PROM2: variants seen among roughly 807,000 people sequenced by gnomAD.
PROM2 encodes the protein prominin 2.
PROM2 carries 90 observed loss-of-function variants against 110.2 expected under a neutral mutation model. That is an observed-to-expected ratio of 0.82 (90% CI 0.69 to 0.97). The LOEUF is 0.97. PROM2 is among the 50% of genes least tolerant of loss of function. The pLI, the probability that PROM2 is intolerant of heterozygous loss-of-function variation, is 0.00. For synonymous variants in PROM2, 470 were observed against 467.8 expected, an observed-to-expected ratio of 1.00 and a Z score of -0.06; for missense variants, 1,009 against 1,074.8, an observed-to-expected ratio of 0.94 and a Z score of 0.86.
In PROM2 at chr2:95,288,488, C is replaced by T. The variant is rs1251626553; in HGVS notation, c.2340C>T (p.Ala780=). Residue 780 remains alanine, a synonymous_variant, in exon 22 of 24, where the codon GCC becomes GCT. Transcript: ENST00000317620. ...GACCTCACGCCTTGTTGCAGAATGCCTTCTGGTTCTGCCTGGCATGGTGCA... is the reference window on the plus strand; with the variant it reads ...GACCTCACGCCTTGTTGCAGAATGCTTTCTGGTTCTGCCTGGCATGGTGCA... ...LCDMMADPWN[A]FWFCLAWCTF... 5 of 1,613,858 alleles carry T rather than the reference C, an allele frequency of 3.1e-6. No individual in the cohort carries two copies. The highest frequency in any genetic ancestry group is 4.2e-6 in the Non-Finnish European group (5 of 1,179,848).
chr2:95,276,165 G>T lies in PROM2; in HGVS notation c.497+33G>T. The stretch of plus-strand genomic sequence containing the variant: ...GCTGCCCAGGGCCCGGGTAGGGCGG[G>T]CTGTGGCCCCCAGGCTCCCTCTTAC... On this transcript the variant is annotated intron_variant, in intron 3 of 23. Coordinates refer to ENST00000317620, the MANE Select transcript of PROM2 (RefSeq NM_001165978.3). The surrounding 1 kb of genome is among the most constrained non-coding windows in gnomAD (Gnocchi z 4.6). 6.2e-7 allele frequency: 1 copy of T among 1,612,090 alleles called. No homozygotes were observed. The highest frequency in any genetic ancestry group is 1.1e-5 in the South Asian group (1 of 91,042).
At position 95,279,107 on chromosome 2, in the gene PROM2, C is replaced by T. The variant is rs746998250; in HGVS notation, c.1237C>T (p.Pro413Ser). Residue 413 changes from proline to serine, a missense_variant, in exon 10 of 24, where the codon CCC becomes TCC. Physicochemically the swap from Pro to Ser is moderately conservative, Grantham distance 74. Transcript: ENST00000317620. ...ALQEVEESSR[P>S]YLQEVQRYET... ...GCAGGAGGTGGAGGAGAGCAGCCGC[C>T]CCTACCTGCAGGAGGTGCAGAGATA... 18 of 1,604,702 alleles carry T rather than the reference C, an allele frequency of 1.1e-5. No homozygotes were observed. Among genetic ancestry groups the T allele is most frequent in the Non-Finnish European group, 1.5e-5 (18 of 1,176,684 alleles).
intron 8 of PROM2, 114 bp downstream of exon 8, chr2:95,278,118 C>T: frequency 1.2e-6 from 1 of 831,234 alleles, no homozygotes; most frequent in Non-Finnish European, 2.0e-6. Context: ...CCACCCACCA[C>T]ACAGCACCCT....
rs1676821182 is a variant in PROM2 at position 95,278,614 on chromosome 2, TG to T, written c.1051-104del. ...AGCGACCAAGAGAAAAGAGGGAAACTGGGAGCACTGAGGGGGGCCCTCCCTC... is the reference window on the plus strand; with the variant it reads ...AGCGACCAAGAGAAAAGAGGGAAACTGGAGCACTGAGGGGGGCCCTCCCTC... On this transcript the variant is annotated intron_variant, in intron 8 of 23. Transcript: ENST00000317620. 4.0e-6 allele frequency: 5 copies of T among 1,263,284 alleles called. No homozygotes were observed. In the African/African-American group the frequency reaches 7.4e-5, roughly 19 times the overall value. 78.3% of individuals were successfully genotyped at this position (1,263,284 alleles called of 1,614,324 possible). A position where few individuals can be genotyped will look rare whatever the true frequency, so the allele number is the denominator to read the frequency against.
rs1355492938 is a variant in PROM2, at chr2:95,275,340, G to T, written c.245-121G>T. 4 of 877,262 alleles carry T rather than the reference G, an allele frequency of 4.6e-6. No individual in the cohort carries two copies. In the African/African-American group the frequency reaches 5.0e-5, roughly 11 times the overall value. 54.3% of individuals were successfully genotyped at this position (877,262 alleles called of 1,614,324 possible). ...TGCGGTGATGCAGCCTTCTGCGAGG[G>T]TGCCATGGTGGTGGCAGGAGCCCTG... is the stretch of plus-strand genomic sequence containing the variant. On this transcript the variant is annotated intron_variant, in intron 1 of 23. Coordinates refer to ENST00000317620, the MANE Select transcript of PROM2 (RefSeq NM_001165978.3). This position sits in a 1 kb window ranked among gnomAD's most constrained non-coding sequence, Gnocchi z 4.4.
At position 95,276,319 on chromosome 2, in the gene PROM2, T is replaced by C; in HGVS notation, c.590T>C (p.Leu197Pro). ...GCCATGCCTGAGACCCTGCTCAGCC[T>C]CTGGGGCCTGGTCTCTGATGTCCCC... ...IEAMPETLLS[L>P]WGLVSDVPQE... Residue 197 changes from leucine (L) to proline (P), a missense_variant, in exon 4 of 24, where the codon CTC becomes CCC. Leu to Pro is a moderately conservative substitution (Grantham distance 98). Coordinates refer to ENST00000317620, the MANE Select transcript of PROM2 (RefSeq NM_001165978.3). The surrounding 1 kb of genome is among the most constrained non-coding windows in gnomAD (Gnocchi z 4.6). 6.2e-7 allele frequency: 1 copy of C among 1,613,740 alleles called. No homozygotes were observed. The highest frequency in any genetic ancestry group is 8.5e-7 in the Non-Finnish European group (1 of 1,180,040).
At position 95,276,778 on chromosome 2, in the gene PROM2, G is replaced by C. The variant is rs1038431494; in HGVS notation, c.682+121G>C. 8.9e-5 allele frequency: 110 copies of C among 1,240,344 alleles called. 1 individual carries two copies. The African/African-American group carries it at 1.6e-3, about 18-fold the overall frequency. 76.8% of individuals were successfully genotyped at this position (1,240,344 alleles called of 1,614,324 possible). A position where few individuals can be genotyped will look rare whatever the true frequency, so the allele number is the denominator to read the frequency against. Reference sequence around the variant, plus strand: ...CCCCGGGAACAGGCTGGTAGAGGTGGGGATCAGGCCGGCTGGAGAGCAAGA... The same window carrying C: ...CCCCGGGAACAGGCTGGTAGAGGTGCGGATCAGGCCGGCTGGAGAGCAAGA... On this transcript the variant is annotated intron_variant, in intron 5 of 23. Transcript: ENST00000317620. The surrounding 1 kb of genome is among the most constrained non-coding windows in gnomAD (Gnocchi z 4.6).
At position 95,286,455 on chromosome 2, in the gene PROM2, G is replaced by C. The variant is rs117646334; in HGVS notation, c.1948-24G>C. 5,157 of 1,607,478 alleles carry C rather than the reference G, an allele frequency of 3.2e-3. 158 individuals are homozygous for C. In the East Asian group the frequency reaches 0.078, roughly 24 times the overall value. On this transcript the variant is annotated intron_variant, in intron 16 of 23. Coordinates refer to ENST00000317620, the MANE Select transcript of PROM2 (RefSeq NM_001165978.3). ...GGGTAGATGGGTCCTGGGCGGGGCC[G>C]TTCTGATTTTTGTATCCTTTCAGGA...
At chr2:95,278,684 A>C in intron 8 of PROM2, 37 bp from the exon 9 acceptor site, 1 of 1,613,034 alleles carries the variant, frequency 6.2e-7, no homozygotes, top group Non-Finnish European at 8.5e-7. Context: ...GACACTGGGC[A>C]GAGATGGGGA....
chr2:95,287,063 T>G, intron 18 of PROM2, 70 bp from the exon 19 acceptor site: 1 of 1,408,962 alleles, frequency 7.1e-7, no homozygotes, highest in Non-Finnish European at 1.0e-6. Flanking sequence ...GAGTGTGCTG[T>G]GGTGTGTGTT....
rs755699277 is a variant in PROM2 at position 95,277,386 on chromosome 2, C to T, written c.795C>T (p.His265=). ...LGQVLQVSVH[H]LQTLNATVVE... is the part of the protein sequence containing the mutation. ...CAGTCCTGCAGGTCTCCGTGCACCA[C>T]CTGCAAACCTTGAATGCTACAGTGG... is the stretch of plus-strand genomic sequence containing the variant. The change falls in exon 7 of 24, where the codon CAC becomes CAT. Residue 265 remains histidine (H), a synonymous_variant. Transcript: ENST00000317620. 3 of 1,612,358 alleles carry T rather than the reference C, an allele frequency of 1.9e-6. No homozygotes were observed. The highest frequency in any genetic ancestry group is 1.3e-5 in the African/African-American group (1 of 74,904).
chr2:95,288,498 T>C lies in PROM2; in HGVS notation c.2350T>C (p.Cys784Arg), dbSNP rs1677510978. 2 of 1,614,088 alleles carry C rather than the reference T, an allele frequency of 1.2e-6. No homozygotes were observed. Among genetic ancestry groups the C allele is most frequent in the Non-Finnish European group, 8.5e-7 (1 of 1,180,014 alleles). The part of the protein sequence containing the change: ...MADPWNAFWF[C>R]LAWCTFFLIP... ...CTTGTTGCAGAATGCCTTCTGGTTC[T>C]GCCTGGCATGGTGCACCTTCTTCCT... is the stretch of plus-strand genomic sequence containing the variant. The change falls in exon 22 of 24, where the codon TGC (cysteine) becomes CGC (arginine). Residue 784 changes from cysteine (C) to arginine (R), a missense_variant. Transcript: ENST00000317620.
intron 17 of PROM2, 25 bp from the exon 18 acceptor site, chr2:95,286,779 A>G: frequency 1.9e-6 from 3 of 1,608,098 alleles, no homozygotes; most frequent in Non-Finnish European, 2.5e-6. Flanking sequence ...CACTCCCCTA[A>G]CCAGCCCTGA....
intron 18 of PROM2, 83 bp downstream of exon 18, chr2:95,286,940 C>T: frequency 6.8e-7 from 1 of 1,481,454 alleles, no homozygotes; most frequent in Non-Finnish European, 9.4e-7. Flanking sequence ...TCACTCTGCA[C>T]CTCAGAGCTC....
chr2:95,288,806 C>T (rs1363132374), intron 22 of PROM2, 127 bp from the exon 23 acceptor site: 5 of 1,003,734 alleles, frequency 5.0e-6, no homozygotes, highest in South Asian at 2.7e-5. Context: ...GGCGCAGCTT[C>T]GTGGGACCCT....
At chr2:95,286,621 G>A (rs1277462580) in intron 17 of PROM2, 50 bp downstream of exon 17, 1 of 1,528,364 alleles carries the variant, frequency 6.5e-7, no homozygotes. Context: ...GGGAGACGTG[G>A]AGAGGGGACA....
At chr2:95,279,189 G>GC in intron 10 of PROM2, 45 bp downstream of exon 10, 1 of 1,286,680 alleles carries the variant, frequency 7.8e-7, no homozygotes, top group South Asian at 1.5e-5. Context: ...GGGGTGGGCA[G>GC]CCCAGCCTCT....
chr2:95,287,122 G>A lies in PROM2; in HGVS notation c.2095-11G>A, dbSNP rs781535012. On this transcript the variant is annotated splice_polypyrimidine_tract_variant and intron_variant, in intron 18 of 23. Transcript: ENST00000317620. ...TGTGGGACACTGAGTTGAGGCTCTC[G>A]TCCCCTCCAGCTGGAGACCTCAGAT... 11 of 1,612,800 alleles carry A rather than the reference G, an allele frequency of 6.8e-6. No homozygotes were observed. The highest frequency in any genetic ancestry group is 1.6e-4 in the Middle Eastern group (1 of 6,062).
Position 95,289,144 on chromosome 2 carries a change from G to A in PROM2, c.*11-80G>A, listed in dbSNP as rs1677556280. 7.1e-6 allele frequency: 5 copies of A among 702,838 alleles called. No individual in the cohort carries two copies. The Admixed American group carries it at 1.1e-4, about 16-fold the overall frequency. The allele number at this position is 702,838 out of a possible 1,614,324, so 43.5% of individuals were successfully genotyped here. ...ACATGGTGGAGTCTGGGTATTGGGT[G>A]TGGCCCATCCAGCAGTGGGGCTGAC... On this transcript the variant is annotated intron_variant, in intron 23 of 23. Transcript: ENST00000317620.
Sources: allele counts gnomAD v4.1 joint callset, GRCh38; gene constraint gnomAD v4.1.1; non-coding constraint Gnocchi (gnomAD v3.1); transcripts MANE v1.5; gene names NCBI Gene and HGNC (gene_info 2026-07-23, HGNC 2026-07-21).